The following CCNG1 variants were observed in gnomAD, a reference collection of about 807,000 sequenced individuals.
CCNG1 encodes the protein cyclin G1.
In CCNG1, 13 loss-of-function variants were observed where a neutral mutation model predicts 30.0. The observed-to-expected ratio is 0.43, with a 90% CI of 0.28 to 0.69. The LOEUF is 0.69. Among genes scored for constraint, CCNG1 ranks in the 30% least tolerant of loss-of-function variants. CCNG1 has a pLI of 0.16. For synonymous variants in CCNG1, 110 were observed against 121.5 expected (o/e 0.91, Z 0.62); for missense variants, 285 against 331.4 (o/e 0.86, Z 1.09).
In CCNG1 at chr5:163,442,508, G is replaced by C. The variant is rs1343731969; in HGVS notation, c.831G>C (p.Leu277Phe). The change falls in exon 6 of 7, where the codon TTG becomes TTC. Residue 277 changes from leucine (L) to phenylalanine (F), a missense_variant. By Grantham distance (22) the Leu-to-Phe change is conservative. Coordinates refer to ENST00000340828, the MANE Select transcript of CCNG1 (RefSeq NM_004060.4). ...WIVSGRTARQ[L>F]KHSYYRITHL... ...TTTCTGGGCGTACTGCACGGCAATT[G>C]AAGCATAGCTACTACAGAATAACTC... The C allele has an allele frequency of 6.2e-7, 1 of 1,613,940 alleles. No homozygotes were observed. The highest frequency in any genetic ancestry group is 2.2e-5 in the East Asian group (1 of 44,866).
At chr5:163,452,848 A>C in the CCNG1 span, 12 of 152,240 alleles carry the variant, frequency 7.9e-5, 1 homozygote, top group Admixed American at 7.8e-4. Flanking sequence ...AAGTTGTAAA[A>C]GGAAACAAAT....
the CCNG1 span, chr5:163,453,295 A>T: frequency 6.6e-6 from 1 of 152,226 alleles, no homozygotes; most frequent in East Asian, 1.9e-4. Context: ...TGCCACTGAT[A>T]TACAATTAGT....
chr5:163,447,296 C>T (rs1010716226), downstream of CCNG1: 1 of 151,932 alleles, frequency 6.6e-6, no homozygotes, highest in Non-Finnish European at 1.5e-5. Context: ...TACAAAAAAT[C>T]AAAAATTAGC....
chr5:163,449,854 A>G (rs1758133943), downstream of CCNG1: 1 of 152,236 alleles, frequency 6.6e-6, no homozygotes, highest in Non-Finnish European at 1.5e-5. Flanking sequence ...CTGAACATCC[A>G]TATGCAAAAA....
chr5:163,438,955 G>T (rs1757646356), intron 1 of CCNG1, among the ~76,000 whole-genome samples: 3 of 150,442 alleles, frequency 2.0e-5, no homozygotes, highest in Admixed American at 2.0e-4. Context: ...GAACCAGGGA[G>T]TCGGAGGTTG....
At chr5:163,457,591 G>A in the CCNG1 span, 1 of 1,581,976 alleles carries the variant, frequency 6.3e-7, no homozygotes, top group Non-Finnish European at 8.7e-7. Flanking sequence ...ATCAGCTATT[G>A]TAGAATCAAA....
At position 163,441,253 on chromosome 5, in the gene CCNG1, G is replaced by A. The variant is rs780306342; in HGVS notation, c.440G>A (p.Trp147Ter). 1.2e-6 allele frequency: 2 copies of A among 1,613,842 alleles called. No individual in the cohort carries two copies. Among genetic ancestry groups the A allele is most frequent in the Non-Finnish European group, 1.7e-6 (2 of 1,179,786 alleles). The change falls in exon 3 of 7, where the codon TGG (tryptophan) becomes TAG (stop). Residue 147 changes from tryptophan (W) to a stop codon, truncating the protein, a stop_gained. Transcript: ENST00000340828. LOFTEE classifies it high-confidence loss of function. Reference sequence around the variant, plus strand: ...AAGATTGTATTGGAGAAGGTGTGTTGGAAAGTCAAAGCTACTACTGCCTTT... The same window carrying A: ...AAGATTGTATTGGAGAAGGTGTGTTAGAAAGTCAAAGCTACTACTGCCTTT... ...MEKIVLEKVC[W>*]KVKATTAFQF...
chr5:163,440,031 A>G (rs1757726186), intron 2 of CCNG1, among the ~76,000 whole-genome samples: 1 of 151,470 alleles, frequency 6.6e-6, no homozygotes, highest in African/African-American at 2.4e-5. Flanking sequence ...AGGAGGAGCA[A>G]CTATTTTCCT....
At chr5:163,446,093 T>G (rs570176619), downstream of CCNG1, 1 of 152,266 alleles carries the variant, frequency 6.6e-6, no homozygotes, top group Non-Finnish European at 1.5e-5. Context: ...TCCTGTAAAG[T>G]AGACACTGCA....
At chr5:163,439,615 T>C in intron 2 of CCNG1, 95 bp downstream of exon 2, 1 of 1,094,740 alleles carries the variant, frequency 9.1e-7, no homozygotes, top group Non-Finnish European at 1.3e-6. Flanking sequence ...TGACCTTTTT[T>C]TTTTCAGCAC....
chr5:163,443,654 T>G lies in CCNG1; in HGVS notation c.*4-20T>G. 7.0e-7 allele frequency: 1 copy of G among 1,437,766 alleles called. No individual in the cohort carries two copies. Among genetic ancestry groups the G allele is most frequent in the Non-Finnish European group, 9.4e-7 (1 of 1,058,808 alleles). 89.1% of individuals were successfully genotyped at this position (1,437,766 alleles called of 1,614,324 possible). On this transcript the variant is annotated intron_variant, in intron 6 of 6. Transcript: ENST00000340828. ...GGCTTCTGTTAAGTTGGATTTTGTT[T>G]GTTTTCTTTATTTAAATAGGATTAT...
intron 2 of CCNG1, 21 bp from the exon 3 acceptor site, chr5:163,441,057 G>C (rs1435617257): frequency 1.9e-6 from 3 of 1,601,878 alleles, no homozygotes; most frequent in Non-Finnish European, 2.6e-6. Flanking sequence ...GGGCTTACTG[G>C]TTTTGTTTTT....
downstream of CCNG1, chr5:163,449,623 G>T (rs1452826036): frequency 6.6e-6 from 1 of 152,068 alleles, no homozygotes; most frequent in Admixed American, 6.5e-5. Context: ...TTTTGAAAAA[G>T]ATTTCAAAAA....
chr5:163,442,341 A>G (rs749999276), intron 5 of CCNG1, 33 bp from the exon 6 acceptor site: 3 of 1,500,362 alleles, frequency 2.0e-6, no homozygotes, highest in Non-Finnish European at 2.7e-6. Flanking sequence ...ACTTACTTGG[A>G]GTAATAATTT....
chr5:163,455,327 T>C, the CCNG1 span, among the ~76,000 whole-genome samples: 1 of 152,208 alleles, frequency 6.6e-6, no homozygotes, highest in Non-Finnish European at 1.5e-5. Flanking sequence ...AACAGGCCAG[T>C]ATGGCAAAAG....
At chr5:163,453,204 A>G in the CCNG1 span, 1 of 152,244 alleles carries the variant, frequency 6.6e-6, no homozygotes, top group African/African-American at 2.4e-5. Flanking sequence ...CAAAAAATAA[A>G]AAGGACATAA....
chr5:163,442,182 TA>T, intron 5 of CCNG1, 39 bp downstream of exon 5: 1 of 1,331,928 alleles, frequency 7.5e-7, no homozygotes, highest in Non-Finnish European at 1.1e-6. Context: ...TTAACAGCTG[TA>T]AAAGAAACTA....
intron 1 of CCNG1, among the ~76,000 whole-genome samples, chr5:163,438,717 CATTTT>C (rs919181190): frequency 6.6e-6 from 1 of 152,196 alleles, no homozygotes; most frequent in African/African-American, 2.4e-5. Context: ...TGAAGATTTG[CATTTT>C]ATTTTTCTAA....
At chr5:163,454,124 A>G in the CCNG1 span, 1 of 677,316 alleles carries the variant, frequency 1.5e-6, no homozygotes, top group Non-Finnish European at 2.4e-6. Context: ...GGCAATTGAT[A>G]AAAAAGGATA....
Sources: allele counts gnomAD v4.1 joint callset (sites outside exome capture counted in the v4.1 genomes callset), GRCh38; gene constraint gnomAD v4.1.1; transcripts MANE v1.5; gene names NCBI Gene and HGNC (gene_info 2026-07-23, HGNC 2026-07-21).